The following RUNX2 variants were observed in gnomAD, a reference collection of about 807,000 sequenced individuals.
The protein encoded by RUNX2 is RUNX family transcription factor 2.
In RUNX2, 10 loss-of-function variants were observed where a neutral mutation model predicts 51.7. The observed-to-expected ratio is 0.19, with a 90% CI of 0.12 to 0.33. The LOEUF (loss-of-function observed/expected upper bound fraction) is 0.33. RUNX2 is among the 10% of genes least tolerant of loss of function. The pLI, the probability that RUNX2 is intolerant of heterozygous loss-of-function variation, is 1.00. For missense variants in RUNX2, 562 were observed against 691.3 expected (o/e 0.81, Z 2.10); for synonymous variants, 276 against 273.6 (o/e 1.01, Z -0.09).
intron 6 of RUNX2, among the ~76,000 whole-genome samples, chr6:45,506,737 C>G (rs1025735391): frequency 3.9e-5 from 6 of 152,130 alleles, no homozygotes; most frequent in African/African-American, 1.4e-4. Context: ...GCCTCCCAGG[C>G]TCAAATGATC....
intron 2 of RUNX2, among the ~76,000 whole-genome samples, chr6:45,370,203 T>C (rs1245742558): frequency 6.6e-6 from 1 of 152,190 alleles, no homozygotes; most frequent in Non-Finnish European, 1.5e-5. Context: ...TGGGTTGAAT[T>C]AGTTTAACAA....
At chr6:45,436,637 C>T (rs917827023) in intron 4 of RUNX2, among the ~76,000 whole-genome samples, 9 of 152,076 alleles carry the variant, frequency 5.9e-5, no homozygotes, top group African/African-American at 9.7e-5. Context: ...AAATGATGTG[C>T]GTCTTAAACA....
intron 4 of RUNX2, among the ~76,000 whole-genome samples, chr6:45,432,614 A>G (rs1798572601): frequency 6.6e-6 from 1 of 152,190 alleles, no homozygotes; most frequent in Non-Finnish European, 1.5e-5. Context: ...TTAGTACTCT[A>G]ATATTAATAG....
intron 2 of RUNX2, among the ~76,000 whole-genome samples, chr6:45,339,791 T>C (rs534174544): frequency 3.0e-4 from 46 of 152,336 alleles, no homozygotes; most frequent in Admixed American, 6.5e-4. Context: ...CAACATATTT[T>C]GAAAAATCAA....
chr6:45,381,970 T>G (rs957010324), intron 2 of RUNX2, among the ~76,000 whole-genome samples: 14 of 152,228 alleles, frequency 9.2e-5, no homozygotes, highest in African/African-American at 3.1e-4. Flanking sequence ...GACCTATCAT[T>G]GTAGATTTCA....
intron 6 of RUNX2, among the ~76,000 whole-genome samples, chr6:45,498,791 C>A (rs948196339): frequency 6.6e-6 from 1 of 152,174 alleles, no homozygotes. Flanking sequence ...GTTTGGCTGT[C>A]CTAGGATTCT....
intron 6 of RUNX2, among the ~76,000 whole-genome samples, chr6:45,499,857 T>G (rs1448423644): frequency 6.6e-6 from 1 of 152,238 alleles, no homozygotes; most frequent in Non-Finnish European, 1.5e-5. Context: ...GATTTTGTTC[T>G]CCTATTCTTT....
At chr6:45,423,841 G>C (rs1442685681) in intron 3 of RUNX2, among the ~76,000 whole-genome samples, 1 of 152,200 alleles carries the variant, frequency 6.6e-6, no homozygotes, top group African/African-American at 2.4e-5. Context: ...TGGGAGGCGC[G>C]GGCCAGGGGA....
At chr6:45,420,828 G>A (rs1798166148) in intron 2 of RUNX2, among the ~76,000 whole-genome samples, 1 of 152,140 alleles carries the variant, frequency 6.6e-6, no homozygotes, top group African/African-American at 2.4e-5. Context: ...AGAGTTTGAG[G>A]CTGGTCGTAG....
chr6:45,396,314 T>G (rs1290905810), intron 2 of RUNX2, among the ~76,000 whole-genome samples: 1 of 152,226 alleles, frequency 6.6e-6, no homozygotes. Flanking sequence ...TATAATTCAA[T>G]GGCTTTAGTA....
At chr6:45,351,082 T>C (rs1362687161) in intron 2 of RUNX2, among the ~76,000 whole-genome samples, 6 of 152,242 alleles carry the variant, frequency 3.9e-5, no homozygotes, top group Middle Eastern at 3.4e-3. Flanking sequence ...ATACGCCCCA[T>C]GTCCCCACCC....
intron 5 of RUNX2, among the ~76,000 whole-genome samples, chr6:45,450,269 T>G (rs114812505): frequency 6.6e-6 from 1 of 152,176 alleles, no homozygotes. Context: ...CTGAGAAAGA[T>G]CCGTTCCTCC....
intron 2 of RUNX2, among the ~76,000 whole-genome samples, chr6:45,391,110 G>A (rs1223168060): frequency 2.0e-5 from 3 of 152,164 alleles, no homozygotes; most frequent in Non-Finnish European, 2.9e-5. Flanking sequence ...TGCATGTCTT[G>A]TATAGGTACA....
intron 4 of RUNX2, among the ~76,000 whole-genome samples, chr6:45,432,506 A>G (rs1798569816): frequency 6.6e-6 from 1 of 152,140 alleles, no homozygotes; most frequent in South Asian, 2.1e-4. Flanking sequence ...ATTAAAAACC[A>G]TGGTTTTTTT....
At chr6:45,407,098 A>G (rs1204437519) in intron 2 of RUNX2, among the ~76,000 whole-genome samples, 1 of 152,108 alleles carries the variant, frequency 6.6e-6, no homozygotes, top group Non-Finnish European at 1.5e-5. Context: ...TGGGGGTTAT[A>G]ATTCCCTCAA....
At chr6:45,433,006 AT>A (rs1193289062) in intron 4 of RUNX2, among the ~76,000 whole-genome samples, 3 of 152,196 alleles carry the variant, frequency 2.0e-5, no homozygotes, top group African/African-American at 7.2e-5. Flanking sequence ...ATGTCTAATA[AT>A]TGCTCTTTAG....
Position 45,547,630 on chromosome 6 carries a change from A to C in RUNX2, c.*325A>C, listed in dbSNP as rs180855207. The C allele has an allele frequency of 2.8e-6, 1 of 354,418 alleles. No individual in the cohort carries two copies. The highest frequency in any genetic ancestry group is 5.4e-6 in the Non-Finnish European group (1 of 186,286). The allele number at this position is 354,418 out of a possible 1,614,324, so 22.0% of individuals were successfully genotyped here. On this transcript the variant is annotated 3_prime_UTR_variant, in exon 9 of 9. Coordinates refer to ENST00000647337, the MANE Select transcript of RUNX2 (RefSeq NM_001024630.4). ...GTCTGTTATCATCAATAACCTGTTCATATGCCAATTCAGAGAGGTGGACTC... is the reference window on the plus strand; with the variant it reads ...GTCTGTTATCATCAATAACCTGTTCCTATGCCAATTCAGAGAGGTGGACTC...
At chr6:45,461,106 T>C (rs1799464035) in intron 5 of RUNX2, among the ~76,000 whole-genome samples, 1 of 152,104 alleles carries the variant, frequency 6.6e-6, no homozygotes, top group African/African-American at 2.4e-5. Context: ...GAACAGCTGG[T>C]TTGGAACAGA....
At chr6:45,525,217 G>C (rs1801635958) in intron 7 of RUNX2, among the ~76,000 whole-genome samples, 1 of 152,180 alleles carries the variant, frequency 6.6e-6, no homozygotes, top group Non-Finnish European at 1.5e-5. Context: ...CTTAGAAATT[G>C]GCAGGTGCCA....
Sources: gnomAD v4.1 joint callset for allele counts (sites outside exome capture counted in the v4.1 genomes callset) on GRCh38, gnomAD v4.1.1 for gene constraint, MANE v1.5 for transcripts, NCBI Gene and HGNC (gene_info 2026-07-23, HGNC 2026-07-21) for gene names.